The following EYS variants were observed in gnomAD, a reference collection of about 807,000 sequenced individuals.
The protein encoded by EYS is protein eyes shut homolog.
Under a neutral mutation model 282.1 loss-of-function variants are expected in EYS, and 250 were observed. The ratio of observed to expected loss-of-function variants is 0.89; its 90% CI spans 0.80 to 0.98. The LOEUF (loss-of-function observed/expected upper bound fraction) is 0.98, where lower values mean the gene tolerates loss of function less well. EYS is among the 50% of genes least tolerant of loss of function. The pLI is 0.00. For synonymous variants in EYS, 1,355 were observed against 1,282.9 expected, an observed-to-expected ratio of 1.06 and a Z score of -1.20; for missense variants, 4,016 against 3,709.0, an observed-to-expected ratio of 1.08 and a Z score of -2.15.
intron 13 of EYS, among the ~76,000 whole-genome samples, chr6:64,999,714 A>AAG (rs1561912478): frequency 5.9e-5 from 9 of 152,120 alleles, no homozygotes; most frequent in African/African-American, 1.9e-4. Context: ...ATTGAGAGGC[A>AAG]CACATCAGCA....
At chr6:64,742,338 T>C (rs2149962091) in intron 22 of EYS, among the ~76,000 whole-genome samples, 1 of 152,142 alleles carries the variant, frequency 6.6e-6, no homozygotes, top group Admixed American at 6.5e-5. Context: ...GCATCAAAGA[T>C]CACTAATCAT....
At chr6:64,156,481 T>C (rs1050849599) in intron 31 of EYS, among the ~76,000 whole-genome samples, 2 of 152,174 alleles carry the variant, frequency 1.3e-5, no homozygotes, top group African/African-American at 4.8e-5. Flanking sequence ...GCTGAAAAGA[T>C]ACCTGAAAAT....
At chr6:65,677,688 A>C (rs1768673876) in intron 1 of EYS, among the ~76,000 whole-genome samples, 1 of 151,992 alleles carries the variant, frequency 6.6e-6, no homozygotes, top group Non-Finnish European at 1.5e-5. Flanking sequence ...TTCATTTTTC[A>C]GAAATAGACA....
At chr6:64,167,277 A>T (rs1030501421) in intron 31 of EYS, among the ~76,000 whole-genome samples, 1 of 152,176 alleles carries the variant, frequency 6.6e-6, no homozygotes, top group African/African-American at 2.4e-5. Context: ...TTATACATCA[A>T]TGTGGAAAAT....
At chr6:64,655,570 C>G (rs572543448) in intron 22 of EYS, among the ~76,000 whole-genome samples, 10 of 151,926 alleles carry the variant, frequency 6.6e-5, no homozygotes, top group Admixed American at 2.6e-4. Context: ...ATAATGTTTG[C>G]TATATATATG....
chr6:65,376,415 CA>C (rs929556476), intron 8 of EYS, among the ~76,000 whole-genome samples: 8 of 152,036 alleles, frequency 5.3e-5, no homozygotes, highest in African/African-American at 1.7e-4. Context: ...CCAGCCACTG[CA>C]AAAACATACT....
chr6:64,726,028 A>G (rs1042997336), intron 22 of EYS, among the ~76,000 whole-genome samples: 5 of 152,116 alleles, frequency 3.3e-5, no homozygotes, highest in Admixed American at 1.3e-4. Flanking sequence ...AGGTTCAAAA[A>G]TACCCCTATT....
At chr6:64,070,902 G>C (rs1005009276) in intron 32 of EYS, among the ~76,000 whole-genome samples, 5 of 151,960 alleles carry the variant, frequency 3.3e-5, no homozygotes, top group African/African-American at 4.8e-5. Context: ...TTTACACCAT[G>C]AGCGAAAATG....
chr6:64,663,292 C>T lies in EYS; in HGVS notation c.3444-37047G>A, dbSNP rs151338283. On this transcript the variant is annotated intron_variant, in intron 22 of 42. Transcript: ENST00000503581. ...GGGAAAATTGCTCAGTTTTTATTCT[C>T]ATTAAGTCTCAAGAAAGTCTGAGTG... Among the ~76,000 whole-genome samples the T allele has an allele frequency of 1.8e-3, 279 of 152,248 alleles. 8 individuals carry two copies. In the East Asian group the frequency reaches 0.048, roughly 26 times the overall value.
At chr6:64,384,899 A>T (rs1347424059) in intron 29 of EYS, among the ~76,000 whole-genome samples, 2 of 152,222 alleles carry the variant, frequency 1.3e-5, no homozygotes, top group Non-Finnish European at 2.9e-5. Context: ...ACATTGGATT[A>T]GGGACTCTTA....
intron 24 of EYS, among the ~76,000 whole-genome samples, chr6:64,599,206 G>C (rs62415842): frequency 0.098 from 14,919 of 152,206 alleles, 902 homozygotes; most frequent in East Asian, 0.17. Flanking sequence ...ATCATAAAAA[G>C]CTTACTGTAG....
intron 5 of EYS, chr6:65,489,239 G>T (rs1765931027): frequency 6.6e-6 from 1 of 152,130 alleles, no homozygotes; most frequent in Admixed American, 6.6e-5. Context: ...CTGACAAAGG[G>T]TTAATAACCA....
intron 33 of EYS, among the ~76,000 whole-genome samples, chr6:64,049,839 G>T (rs1195402887): frequency 6.6e-6 from 1 of 152,120 alleles, no homozygotes; most frequent in East Asian, 1.9e-4. Flanking sequence ...TAGAAATGAG[G>T]TTATAAAATA....
chr6:64,550,736 T>C (rs1765048533), intron 26 of EYS, among the ~76,000 whole-genome samples: 1 of 152,124 alleles, frequency 6.6e-6, no homozygotes, highest in African/African-American at 2.4e-5. Flanking sequence ...CAAAATCTCC[T>C]TAAGCTGATA....
At chr6:65,645,392 C>A (rs1193159744) in intron 1 of EYS, among the ~76,000 whole-genome samples, 1 of 152,062 alleles carries the variant, frequency 6.6e-6, no homozygotes, top group Non-Finnish European at 1.5e-5. Context: ...CCTTCAAAAC[C>A]ATGCAAATAC....
chr6:63,841,635 G>A (rs1005446181), intron 36 of EYS, among the ~76,000 whole-genome samples: 3 of 152,030 alleles, frequency 2.0e-5, no homozygotes, highest in African/African-American at 7.3e-5. Context: ...TATACTTTAA[G>A]TTCTGGGATA....
intron 21 of EYS, among the ~76,000 whole-genome samples, chr6:64,819,601 A>G (rs1053594493): frequency 1.3e-5 from 2 of 151,986 alleles, no homozygotes; most frequent in African/African-American, 2.4e-5. Context: ...TATATTCACT[A>G]TGAGTTAAAG....
At chr6:64,018,364 T>G (rs1411692290) in intron 33 of EYS, among the ~76,000 whole-genome samples, 4 of 152,096 alleles carry the variant, frequency 2.6e-5, no homozygotes, top group Admixed American at 6.5e-5. Flanking sequence ...TCAGGGGTTT[T>G]TTGTTGTTGT....
chr6:64,310,355 G>T (rs1769645229), intron 29 of EYS, among the ~76,000 whole-genome samples: 1 of 152,090 alleles, frequency 6.6e-6, no homozygotes, highest in Non-Finnish European at 1.5e-5. Flanking sequence ...ATAATAGATT[G>T]GATAAAGAAA....
Sources: allele counts gnomAD v4.1 joint callset (sites outside exome capture counted in the v4.1 genomes callset), GRCh38; gene constraint gnomAD v4.1.1; transcripts MANE v1.5; gene names NCBI Gene and HGNC (gene_info 2026-07-23, HGNC 2026-07-21).